The following IRF5 variants were observed in gnomAD, a reference collection of about 807,000 sequenced individuals.
The protein encoded by IRF5 is interferon regulatory factor 5.
In IRF5, 24 loss-of-function variants were observed where a neutral mutation model predicts 55.1. The observed-to-expected ratio is 0.44, with a 90% CI of 0.32 to 0.61. The LOEUF is 0.61. Among genes scored for constraint, IRF5 ranks in the 20% least tolerant of loss-of-function variants. The pLI is 0.07. For synonymous variants in IRF5, 258 were observed against 260.2 expected, an observed-to-expected ratio of 0.99 and a Z score of 0.08; for missense variants, 499 against 658.5, an observed-to-expected ratio of 0.76 and a Z score of 2.65.
At chr7:128,939,735 G>A (rs908478171) in intron 1 of IRF5, among the ~76,000 whole-genome samples, 6 of 152,330 alleles carry the variant, frequency 3.9e-5, no homozygotes, top group Non-Finnish European at 4.4e-5. Context: ...CCCCACCTCA[G>A]CAGGTCCTCT....
chr7:128,946,498 C>T lies in IRF5; in HGVS notation c.386-3C>T, dbSNP rs779832149. 6.2e-7 allele frequency: 1 copy of T among 1,604,758 alleles called. No individual in the cohort carries two copies. The highest frequency in any genetic ancestry group is 1.1e-5 in the South Asian group (1 of 88,822). ...GCCCTGCTTTTCTCTCCCTGCTGTG[C>T]AGACTCCCAGCCCCCTGAGGATTAC... On this transcript the variant is annotated splice_polypyrimidine_tract_variant and splice_region_variant and intron_variant, in intron 3 of 8. Coordinates refer to ENST00000357234, the MANE Select transcript of IRF5 (RefSeq NM_001098629.3). This position sits in a 1 kb window ranked among gnomAD's most constrained non-coding sequence, Gnocchi z 4.2.
In IRF5 at chr7:128,949,067, A is replaced by C; in HGVS notation, c.*249A>C. On this transcript the variant is annotated 3_prime_UTR_variant, in exon 9 of 9. Coordinates refer to ENST00000357234, the MANE Select transcript of IRF5 (RefSeq NM_001098629.3). The stretch of plus-strand genomic sequence containing the variant: ...AAATTCAGCCATGAGCAGGGAAAGA[A>C]CTCTCCCAACCCTGGGGCCTAGCTG... The C allele has an allele frequency of 3.9e-6, 2 of 516,422 alleles. No individual in the cohort carries two copies. Among genetic ancestry groups the C allele is most frequent in the South Asian group, 2.4e-5 (1 of 41,042 alleles). The allele number at this position is 516,422 out of a possible 1,614,324, so 32.0% of individuals were successfully genotyped here.
intron 2 of IRF5, 53 bp downstream of exon 2, chr7:128,942,329 A>G: frequency 6.6e-7 from 1 of 1,525,522 alleles, no homozygotes; most frequent in Non-Finnish European, 8.9e-7. Context: ...TGTCCCCAGA[A>G]GAGGAGCGCA....
chr7:128,939,850 A>G (rs556513155), intron 1 of IRF5, among the ~76,000 whole-genome samples: 2 of 152,314 alleles, frequency 1.3e-5, no homozygotes, highest in South Asian at 2.1e-4. Context: ...ACTTAGGTCT[A>G]GGGCTCCATA....
At chr7:128,944,896 G>A (rs1208716977) in intron 2 of IRF5, among the ~76,000 whole-genome samples, 6 of 152,248 alleles carry the variant, frequency 3.9e-5, no homozygotes, top group South Asian at 2.1e-4. Context: ...TTTACACACA[G>A]CACTGCTGCG....
In IRF5 at chr7:128,948,075, G is replaced by A. The variant is rs2128966113; in HGVS notation, c.1134G>A (p.Gln378=). Residue 378 remains glutamine, a synonymous_variant, in exon 7 of 9, where the codon CAG becomes CAA. Coordinates refer to ENST00000357234, the MANE Select transcript of IRF5 (RefSeq NM_001098629.3). The surrounding 1 kb of genome is among the most constrained non-coding windows in gnomAD (Gnocchi z 4.6). ...ATGACTCATGCCCCAACCCCATCCA[G>A]CGGGAGGTCAAGACCAAGCTTTTCA... ...SAHDSCPNPI[Q]REVKTKLFSL... 6.2e-7 allele frequency: 1 copy of A among 1,614,178 alleles called. No individual in the cohort carries two copies. Among genetic ancestry groups the A allele is most frequent in the Non-Finnish European group, 8.5e-7 (1 of 1,180,022 alleles).
Position 128,948,880 on chromosome 7 carries a change from T to C in IRF5, c.*62T>C. The C allele has an allele frequency of 1.9e-6, 3 of 1,561,580 alleles. No homozygotes were observed. On this transcript the variant is annotated 3_prime_UTR_variant, in exon 9 of 9. Transcript: ENST00000357234. This position sits in a 1 kb window ranked among gnomAD's most constrained non-coding sequence, Gnocchi z 4.6. ...GTGGCGGTGCGGACTGATGTGGAGA[T>C]GTGACAGCCCCGATGAGCACCTGGC... is the stretch of plus-strand genomic sequence containing the variant.
In IRF5 at chr7:128,946,423, GGCA is replaced by G; in HGVS notation, c.386-75_386-73del. The G allele has an allele frequency of 8.5e-6, 13 of 1,524,616 alleles. No homozygotes were observed. Among genetic ancestry groups the G allele is most frequent in the Non-Finnish European group, 1.1e-5 (12 of 1,124,590 alleles). The allele number at this position is 1,524,616 out of a possible 1,614,324, so 94.4% of individuals were successfully genotyped here. The stretch of plus-strand genomic sequence containing the variant: ...AGGCAGAAGCTGCATAGGAGCTACA[GGCA>G]GCCTCTCAGGGGATCTTGCTTCTCC... On this transcript the variant is annotated intron_variant, in intron 3 of 8. Coordinates refer to ENST00000357234, the MANE Select transcript of IRF5 (RefSeq NM_001098629.3). The surrounding 1 kb of genome is among the most constrained non-coding windows in gnomAD (Gnocchi z 4.2).
At position 128,946,614 on chromosome 7, in the gene IRF5, C is replaced by T; in HGVS notation, c.447+52C>T. 1 of 1,264,238 alleles carries T rather than the reference C, an allele frequency of 7.9e-7. No homozygotes were observed. The highest frequency in any genetic ancestry group is 1.1e-6 in the Non-Finnish European group (1 of 885,832). 78.3% of individuals were successfully genotyped at this position (1,264,238 alleles called of 1,614,324 possible). A position where few individuals can be genotyped will look rare whatever the true frequency, so the allele number is the denominator to read the frequency against. On this transcript the variant is annotated intron_variant, in intron 4 of 8. Coordinates refer to ENST00000357234, the MANE Select transcript of IRF5 (RefSeq NM_001098629.3). The surrounding 1 kb of genome is among the most constrained non-coding windows in gnomAD (Gnocchi z 4.2). ...GAGCCCTGGACGAGCTCTCTGCTGT[C>T]CCCATCGGCCTTAGGTTTCCGCAGC...
chr7:128,946,028 C>G lies in IRF5; in HGVS notation c.379C>G (p.Pro127Ala), dbSNP rs1196812486. 7 of 1,601,132 alleles carry G rather than the reference C, an allele frequency of 4.4e-6. No homozygotes were observed. The highest frequency in any genetic ancestry group is 6.0e-6 in the Non-Finnish European group (7 of 1,175,578). The part of the protein sequence containing the change: ...IYEVCSNGPA[P>A]TDSQPPEDYS... ...CGAGGTCTGCTCCAATGGCCCTGCT[C>G]CCACAGGTATCAGGCCTAGCCCTCT... The change falls in exon 3 of 9, where the codon CCC (proline) becomes GCC (alanine). Residue 127 changes from proline to alanine, a missense_variant. By Grantham distance (27) the Pro-to-Ala change is conservative. Transcript: ENST00000357234. This position sits in a 1 kb window ranked among gnomAD's most constrained non-coding sequence, Gnocchi z 4.2.
At chr7:128,944,442 T>G (rs1307149057) in intron 2 of IRF5, among the ~76,000 whole-genome samples, 2 of 152,250 alleles carry the variant, frequency 1.3e-5, no homozygotes, top group Non-Finnish European at 1.5e-5. Context: ...GTTTTTGGGC[T>G]TGATCCTTAC....
intron 1 of IRF5, among the ~76,000 whole-genome samples, chr7:128,938,638 G>A (rs945838406): frequency 3.3e-5 from 5 of 152,224 alleles, no homozygotes; most frequent in Admixed American, 6.5e-5. Context: ...TAGAGGCTGC[G>A]TCCCTGGGCT....
upstream of IRF5, among the ~76,000 whole-genome samples, chr7:128,937,226 A>G (rs1795806125): frequency 6.6e-6 from 1 of 152,230 alleles, no homozygotes; most frequent in South Asian, 2.1e-4. Context: ...GAAGAGCAAG[A>G]GTTACCAAGC....
rs187702198 is a variant in IRF5 at position 128,946,091 on chromosome 7, C to A, written c.385+57C>A. The A allele has an allele frequency of 4.9e-5, 73 of 1,475,172 alleles. No homozygotes were observed. Among genetic ancestry groups the A allele is most frequent in the Middle Eastern group, 3.7e-4 (2 of 5,438 alleles). The allele number at this position is 1,475,172 out of a possible 1,614,324, so 91.4% of individuals were successfully genotyped here. A position where few individuals can be genotyped will look rare whatever the true frequency, so the allele number is the denominator to read the frequency against. ...GGAGGCTGTGCAATGTCCTGGCCCC[C>A]AGCCATGAGCTCTTGGGTGCAGGCA... On this transcript the variant is annotated intron_variant, in intron 3 of 8. Coordinates refer to ENST00000357234, the MANE Select transcript of IRF5 (RefSeq NM_001098629.3). This position sits in a 1 kb window ranked among gnomAD's most constrained non-coding sequence, Gnocchi z 4.2.
In IRF5 at chr7:128,948,045, A is replaced by T; in HGVS notation, c.1104A>T (p.Ser368=). ...CKVFWSGPCA[S]AHDSCPNPIQ... ...TGTTCTGGAGCGGGCCTTGTGCCTCAGCCCATGACTCATGCCCCAACCCCA... is the reference window on the plus strand; with the variant it reads ...TGTTCTGGAGCGGGCCTTGTGCCTCTGCCCATGACTCATGCCCCAACCCCA... Residue 368 remains serine (S), a synonymous_variant, in exon 7 of 9, where the codon TCA becomes TCT. Coordinates refer to ENST00000357234, the MANE Select transcript of IRF5 (RefSeq NM_001098629.3). This position sits in a 1 kb window ranked among gnomAD's most constrained non-coding sequence, Gnocchi z 4.6. The T allele has an allele frequency of 4.3e-6, 7 of 1,614,142 alleles. No individual in the cohort carries two copies. The highest frequency in any genetic ancestry group is 5.9e-6 in the Non-Finnish European group (7 of 1,180,020).
In IRF5 at chr7:128,947,639, A is replaced by G; in HGVS notation, c.788-90A>G. On this transcript the variant is annotated intron_variant, in intron 6 of 8. Transcript: ENST00000357234. The surrounding 1 kb of genome is among the most constrained non-coding windows in gnomAD (Gnocchi z 6.5). Reference sequence around the variant, plus strand: ...GACTCCCTTGGGTGGGAAAAGTGGGAGGGCGGATGGGGCTGGGCCTGGCCA... The same window carrying G: ...GACTCCCTTGGGTGGGAAAAGTGGGGGGGCGGATGGGGCTGGGCCTGGCCA... 6.6e-7 allele frequency: 1 copy of G among 1,505,462 alleles called. No homozygotes were observed. The highest frequency in any genetic ancestry group is 8.8e-7 in the Non-Finnish European group (1 of 1,132,786). The allele number at this position is 1,505,462 out of a possible 1,614,324, so 93.3% of individuals were successfully genotyped here.
chr7:128,948,728 G>T lies in IRF5; in HGVS notation c.1455G>T (p.Gln485His). ...TCCATCACATCTGGCAGTCCCAGCAGCGGTTGCAGCCTGTGGCCCAGGCCC... is the reference window on the plus strand; with the variant it reads ...TCCATCACATCTGGCAGTCCCAGCATCGGTTGCAGCCTGTGGCCCAGGCCC... ...KELHHIWQSQ[Q>H]RLQPVAQAPP... The change falls in exon 9 of 9, where the codon CAG (glutamine) becomes CAT (histidine). Residue 485 changes from glutamine to histidine, a missense_variant. Physicochemically the swap from Gln to His is conservative, Grantham distance 24. Coordinates refer to ENST00000357234, the MANE Select transcript of IRF5 (RefSeq NM_001098629.3). The surrounding 1 kb of genome is among the most constrained non-coding windows in gnomAD (Gnocchi z 4.6). 1 of 1,613,776 alleles carries T rather than the reference G, an allele frequency of 6.2e-7. No individual in the cohort carries two copies. The highest frequency in any genetic ancestry group is 8.5e-7 in the Non-Finnish European group (1 of 1,180,038).
In IRF5 at chr7:128,946,364, C is replaced by G. The variant is rs982197649; in HGVS notation, c.386-137C>G. ...TTCCCAATCCTGGTGGCTGTGCCCT[C>G]CACCTCGCCCTGTGTTGGGGGCAGC... On this transcript the variant is annotated intron_variant, in intron 3 of 8. Transcript: ENST00000357234. The surrounding 1 kb of genome is among the most constrained non-coding windows in gnomAD (Gnocchi z 4.2). 1.9e-6 allele frequency: 2 copies of G among 1,069,328 alleles called. No homozygotes were observed. The highest frequency in any genetic ancestry group is 2.7e-6 in the Non-Finnish European group (2 of 742,272). 66.2% of individuals were successfully genotyped at this position (1,069,328 alleles called of 1,614,324 possible).
chr7:128,940,983 G>C (rs114240329), intron 1 of IRF5: 2 of 152,538 alleles, frequency 1.3e-5, no homozygotes, highest in Non-Finnish European at 2.9e-5. Context: ...CTTGCTGACC[G>C]ACACATTCAC....
Sources: gnomAD v4.1 joint callset for allele counts (sites outside exome capture counted in the v4.1 genomes callset) on GRCh38, gnomAD v4.1.1 for gene constraint, Gnocchi (gnomAD v3.1) non-coding constraint, MANE v1.5 for transcripts, NCBI Gene and HGNC (gene_info 2026-07-23, HGNC 2026-07-21) for gene names.